Variants in KCNMA1 observed in about 807,000 individuals in gnomAD.
KCNMA1 encodes potassium calcium-activated channel subfamily M alpha 1.
Under a neutral mutation model 140.0 loss-of-function variants are expected in KCNMA1, and 29 were observed. The ratio of observed to expected loss-of-function variants is 0.21; its 90% confidence interval spans 0.15 to 0.28. The LOEUF (loss-of-function observed/expected upper bound fraction) is 0.28, where lower values mean the gene tolerates loss of function less well. Ranked by LOEUF, KCNMA1 falls within the 10% of genes least tolerant of loss-of-function variation. The pLI, the probability that KCNMA1 is intolerant of heterozygous loss-of-function variation, is 1.00. For missense variants in KCNMA1, 880 were observed against 1,602.2 expected (o/e 0.55, Z 7.70); for synonymous variants, 612 against 611.9 (o/e 1.00, Z 0.00).
chr10:77,075,248 C>G (rs2096356237), intron 13 of KCNMA1, among the ~76,000 whole-genome samples: 1 of 152,232 alleles, frequency 6.6e-6, no homozygotes, highest in Admixed American at 6.5e-5. Flanking sequence ...TCCTTCCTCT[C>G]CCTACTCTCC....
At position 76,885,207 on chromosome 10, in the gene KCNMA1, A is replaced by G; in HGVS notation, c.*2059T>C. On this transcript the variant is annotated 3_prime_UTR_variant, in exon 28 of 28. Transcript: ENST00000286628. Reference sequence around the variant, plus strand: ...TACTAGGGGATACATATATATAGTTATATATATAGTTATATATATATAATT... The same window carrying G: ...TACTAGGGGATACATATATATAGTTGTATATATAGTTATATATATATAATT... 1 of 626,902 alleles carries G rather than the reference A, an allele frequency of 1.6e-6. No individual in the cohort carries two copies. The highest frequency in any genetic ancestry group is 2.0e-6 in the Non-Finnish European group (1 of 494,448). 38.8% of individuals were successfully genotyped at this position (626,902 alleles called of 1,614,324 possible). A position where few individuals can be genotyped will look rare whatever the true frequency, so the allele number is the denominator to read the frequency against.
At chr10:77,509,099 GTTTTGTTGTTGTTGT>G (rs1487399537) in intron 1 of KCNMA1, among the ~76,000 whole-genome samples, 1 of 134,466 alleles carries the variant, frequency 7.4e-6, no homozygotes, top group African/African-American at 3.0e-5. Context: ...ATTTTGTTGG[GTTTTGTTGTTGTTGT>G]TGTTGTTGTT....
intron 2 of KCNMA1, among the ~76,000 whole-genome samples, chr10:77,294,844 A>C (rs1220834731): frequency 1.3e-5 from 2 of 152,016 alleles, no homozygotes; most frequent in African/African-American, 2.4e-5. Flanking sequence ...TCTTGAACCC[A>C]GGAGGTGGAG....
intron 1 of KCNMA1, among the ~76,000 whole-genome samples, chr10:77,408,479 T>C (rs1397329449): frequency 6.6e-6 from 1 of 151,130 alleles, no homozygotes; most frequent in South Asian, 2.1e-4. Context: ...CACGTGTGAG[T>C]GTGTACGTGT....
intron 22 of KCNMA1, 112 bp downstream of exon 22, chr10:76,949,030 C>A (rs2152941271): frequency 1.1e-6 from 1 of 932,530 alleles, no homozygotes. Flanking sequence ...CAGGCCCATA[C>A]CCAGATGAAG....
intron 1 of KCNMA1, among the ~76,000 whole-genome samples, chr10:77,613,669 C>T (rs533656936): frequency 1.3e-5 from 2 of 152,310 alleles, no homozygotes; most frequent in East Asian, 3.9e-4. Flanking sequence ...TGTTCTCCGA[C>T]AGGATGTTTG....
In KCNMA1 at chr10:76,944,973, A is replaced by G. The variant is rs78672251; in HGVS notation, c.2710-8T>C. 9,458 of 1,612,758 alleles carry G rather than the reference A, an allele frequency of 5.9e-3. 446 individuals are homozygous for G. The African/African-American group carries it at 0.11, about 18-fold the overall frequency. ...CCGACTTAATGGCGTACCCTTTGGC[A>G]TAGAGGAAAGAAAAAAAAACAGAGA... On this transcript the variant is annotated splice_polypyrimidine_tract_variant and splice_region_variant and intron_variant, in intron 22 of 27. Coordinates refer to ENST00000286628, the MANE Select transcript of KCNMA1 (RefSeq NM_001161352.2).
chr10:77,629,040 T>C (rs1373480478), intron 1 of KCNMA1, among the ~76,000 whole-genome samples: 2 of 152,190 alleles, frequency 1.3e-5, no homozygotes, highest in Non-Finnish European at 2.9e-5. Context: ...GGAGATGTGT[T>C]AAATAATTTT....
chr10:77,629,829 T>C (rs1007811430), intron 1 of KCNMA1, among the ~76,000 whole-genome samples: 4 of 152,176 alleles, frequency 2.6e-5, no homozygotes, highest in Admixed American at 6.5e-5. Context: ...GAAGACTTCT[T>C]TGAGGGCCTA....
chr10:77,165,351 C>T (rs781470016), intron 5 of KCNMA1, among the ~76,000 whole-genome samples: 10 of 152,170 alleles, frequency 6.6e-5, no homozygotes, highest in African/African-American at 1.2e-4. Flanking sequence ...GATGACTAGA[C>T]GCAAGTTTAT....
chr10:77,278,172 G>T (rs1170889363), intron 2 of KCNMA1, among the ~76,000 whole-genome samples: 1 of 152,180 alleles, frequency 6.6e-6, no homozygotes, highest in African/African-American at 2.4e-5. Flanking sequence ...ACCCTACTAT[G>T]ACTCTGGCCA....
intron 23 of KCNMA1, among the ~76,000 whole-genome samples, chr10:76,937,127 G>A (rs919081808): frequency 2.0e-5 from 3 of 152,178 alleles, no homozygotes; most frequent in Non-Finnish European, 4.4e-5. Flanking sequence ...TCAGGGATAG[G>A]AGGCTCGCTG....
chr10:77,298,731 C>G (rs1362915886), intron 2 of KCNMA1, among the ~76,000 whole-genome samples: 1 of 152,186 alleles, frequency 6.6e-6, no homozygotes, highest in Non-Finnish European at 1.5e-5. Flanking sequence ...ACACTGAACA[C>G]CAGCAAGTCC....
chr10:77,220,073 C>T (rs956853378), intron 3 of KCNMA1, among the ~76,000 whole-genome samples: 1 of 152,160 alleles, frequency 6.6e-6, no homozygotes, highest in African/African-American at 2.4e-5. Context: ...ACATACCAGG[C>T]ACTGTTCTGA....
intron 2 of KCNMA1, among the ~76,000 whole-genome samples, chr10:77,344,333 T>A (rs570775192): frequency 2.5e-4 from 38 of 152,260 alleles, no homozygotes; most frequent in African/African-American, 8.7e-4. Flanking sequence ...GGTCCTTAAT[T>A]TCAATTCATT....
At chr10:77,166,005 C>T (rs1180276226) in intron 5 of KCNMA1, among the ~76,000 whole-genome samples, 1 of 152,038 alleles carries the variant, frequency 6.6e-6, no homozygotes, top group Non-Finnish European at 1.5e-5. Context: ...GGAGTCTCTG[C>T]GGGCTATGGG....
In KCNMA1 at chr10:77,012,452, T is replaced by G. The variant is rs746923557; in HGVS notation, c.2016-409A>C. ...TCCCACAGTCTGGTCAAATATATAT[T>G]TGAGGGGGCAGAAGTATGTCGTTTC... is the stretch of plus-strand genomic sequence containing the variant. On this transcript the variant is annotated intron_variant, in intron 17 of 27. Transcript: ENST00000286628. 13 of 1,549,928 alleles carry G rather than the reference T, an allele frequency of 8.4e-6. No individual in the cohort carries two copies. The South Asian group carries it at 1.5e-4, about 18-fold the overall frequency.
chr10:77,237,159 A>G (rs1344836680), intron 3 of KCNMA1, among the ~76,000 whole-genome samples: 2 of 152,232 alleles, frequency 1.3e-5, no homozygotes, highest in Non-Finnish European at 2.9e-5. Flanking sequence ...CAAAAAGAAC[A>G]ATACCAATAA....
intron 24 of KCNMA1, 182 bp downstream of exon 24, chr10:76,914,754 A>G: frequency 1.8e-6 from 1 of 568,730 alleles, no homozygotes; most frequent in South Asian, 1.9e-5. Context: ...AGAAAGATAG[A>G]TCAGTTTTCC....
Sources: gnomAD v4.1 joint callset for allele counts (sites outside exome capture counted in the v4.1 genomes callset) on GRCh38, gnomAD v4.1.1 for gene constraint, MANE v1.5 for transcripts, NCBI Gene and HGNC (gene_info 2026-07-23, HGNC 2026-07-21) for gene names.